Variants in VPS13A observed in about 807,000 individuals in gnomAD.
The protein encoded by VPS13A is intermembrane lipid transfer protein VPS13A.
A neutral mutation model predicts 390.9 loss-of-function variants in VPS13A; 264 were observed. That is an observed-to-expected ratio of 0.68 (90% CI 0.61 to 0.75). The LOEUF (loss-of-function observed/expected upper bound fraction) is 0.75. VPS13A is among the 30% of genes least tolerant of loss of function. VPS13A has a pLI of 0.00. For synonymous variants in VPS13A, 1,231 were observed against 1,227.1 expected, an observed-to-expected ratio of 1.00 and a Z score of -0.07; for missense variants, 3,409 against 3,733.9, an observed-to-expected ratio of 0.91 and a Z score of 2.27.
chr9:77,200,885 A>G (rs1350188466), intron 2 of VPS13A, among the ~76,000 whole-genome samples: 2 of 152,276 alleles, frequency 1.3e-5, no homozygotes, highest in South Asian at 2.1e-4. Context: ...ATGGTATAGG[A>G]TAAGGGTTCA....
intron 13 of VPS13A, 38 bp from the exon 14 acceptor site, chr9:77,225,888 T>C: frequency 6.6e-7 from 1 of 1,513,118 alleles, no homozygotes; most frequent in Non-Finnish European, 9.2e-7. Flanking sequence ...GTAAAGTTAT[T>C]TTTGTAAAGT....
intron 23 of VPS13A, among the ~76,000 whole-genome samples, chr9:77,271,721 G>T (rs1363688119): frequency 1.4e-5 from 2 of 142,254 alleles, no homozygotes; most frequent in Non-Finnish European, 3.3e-5. Flanking sequence ...ATAGAACGCA[G>T]GATTACTTGG....
intron 52 of VPS13A, among the ~76,000 whole-genome samples, chr9:77,345,450 T>G (rs929692572): frequency 6.6e-6 from 1 of 152,206 alleles, no homozygotes; most frequent in African/African-American, 2.4e-5. Flanking sequence ...ATTTTGTCTA[T>G]TTTTGAATTT....
At position 77,357,689 on chromosome 9, in the gene VPS13A, C is replaced by G. The variant is rs1831891849; in HGVS notation, c.7807-3C>G. ...TTTTCATTTGGGGGGACATATTTTT[C>G]AGGTTCGCCTAACCCCTACTGGTCA... On this transcript the variant is annotated splice_region_variant and splice_polypyrimidine_tract_variant and intron_variant, in intron 55 of 71. Transcript: ENST00000360280. 1 of 1,613,108 alleles carries G rather than the reference C, an allele frequency of 6.2e-7. No individual in the cohort carries two copies. The highest frequency in any genetic ancestry group is 8.5e-7 in the Non-Finnish European group (1 of 1,179,680).
intron 68 of VPS13A, chr9:77,390,093 A>T (rs1408013059): frequency 1.0e-6 from 1 of 985,344 alleles, no homozygotes; most frequent in African/African-American, 1.7e-5. Context: ...TATAGCAGTC[A>T]GATCACCAGA....
chr9:77,384,516 C>A, intron 68 of VPS13A: 2 of 1,593,958 alleles, frequency 1.3e-6, no homozygotes, highest in Admixed American at 1.7e-5. Flanking sequence ...CATAATCTTA[C>A]ATGTTTTCAA....
chr9:77,296,976 A>G (rs968352890), intron 33 of VPS13A, among the ~76,000 whole-genome samples: 1 of 152,094 alleles, frequency 6.6e-6, no homozygotes, highest in Admixed American at 6.5e-5. Context: ...AATATCTGTA[A>G]TGATGTGTCC....
At chr9:77,306,581 C>G (rs553010592) in intron 34 of VPS13A, among the ~76,000 whole-genome samples, 8 of 151,970 alleles carry the variant, frequency 5.3e-5, no homozygotes, top group African/African-American at 1.9e-4. Context: ...TGTTGGAGCT[C>G]GAGTCTGAAG....
intron 1 of VPS13A, among the ~76,000 whole-genome samples, chr9:77,183,215 G>A (rs1432026842): frequency 6.6e-6 from 1 of 152,026 alleles, no homozygotes; most frequent in African/African-American, 2.4e-5. Context: ...CAGCTTTATT[G>A]ACGTATAATT....
At chr9:77,316,901 G>A (rs770800269) in intron 39 of VPS13A, among the ~76,000 whole-genome samples, 32 of 151,866 alleles carry the variant, frequency 2.1e-4, no homozygotes, top group Non-Finnish European at 2.2e-4. Context: ...TAACCTCTTG[G>A]CCTTCCTCCT....
At chr9:77,364,017 G>T (rs1417409835) in intron 59 of VPS13A, among the ~76,000 whole-genome samples, 1 of 152,082 alleles carries the variant, frequency 6.6e-6, no homozygotes, top group Non-Finnish European at 1.5e-5. Context: ...GCTTGCCTTT[G>T]CTGGCATGGA....
chr9:77,411,241 G>T (rs1338508671), intron 71 of VPS13A, among the ~76,000 whole-genome samples: 2 of 152,074 alleles, frequency 1.3e-5, no homozygotes, highest in African/African-American at 2.4e-5. Context: ...TGAAACCAAC[G>T]AGAACAAAGA....
At chr9:77,274,244 A>C (rs866074357) in intron 24 of VPS13A, among the ~76,000 whole-genome samples, 1 of 152,096 alleles carries the variant, frequency 6.6e-6, no homozygotes, top group African/African-American at 2.4e-5. Context: ...TCTGGCCAAC[A>C]TGGTGAAACC....
At chr9:77,308,286 A>G (rs1222943541) in intron 35 of VPS13A, among the ~76,000 whole-genome samples, 188 bp downstream of exon 35, 1 of 151,952 alleles carries the variant, frequency 6.6e-6, no homozygotes, top group African/African-American at 2.4e-5. Context: ...CTAATCAGCT[A>G]ATTCCATTCA....
chr9:77,408,804 G>C lies in VPS13A; in HGVS notation c.9474+1197G>C, dbSNP rs192680497. 1.9e-3 allele frequency among the ~76,000 whole-genome samples: 286 copies of C among 152,314 alleles called. 1 individual carries two copies. The highest frequency in any genetic ancestry group is 6.4e-3 in the African/African-American group (268 of 41,580). On this transcript the variant is annotated intron_variant, in intron 71 of 71. Transcript: ENST00000360280. ...GCTAAACAAAGCAGCTGGGAAGCTCGAACTGGGTGGAGCCCACCACAGCTC... is the reference window on the plus strand; with the variant it reads ...GCTAAACAAAGCAGCTGGGAAGCTCCAACTGGGTGGAGCCCACCACAGCTC...
At chr9:77,272,707 G>A (rs563643444) in intron 23 of VPS13A, among the ~76,000 whole-genome samples, 38 of 152,264 alleles carry the variant, frequency 2.5e-4, no homozygotes, top group Non-Finnish European at 5.3e-4. Flanking sequence ...GGTAGGGAAC[G>A]TGACAAGGAG....
chr9:77,407,782 T>G, intron 71 of VPS13A, 175 bp downstream of exon 71: 2 of 559,664 alleles, frequency 3.6e-6, no homozygotes, highest in Non-Finnish European at 6.3e-6. Flanking sequence ...CCCCAGACTT[T>G]TTTTTCTACC....
chr9:77,289,389 T>C (rs1258479251), intron 31 of VPS13A, among the ~76,000 whole-genome samples: 2 of 152,232 alleles, frequency 1.3e-5, no homozygotes, highest in African/African-American at 2.4e-5. Flanking sequence ...TGTTCTCTAA[T>C]TTTGTTTATC....
At chr9:77,412,000 T>C (rs574072166) in intron 71 of VPS13A, among the ~76,000 whole-genome samples, 1 of 151,880 alleles carries the variant, frequency 6.6e-6, no homozygotes, top group Non-Finnish European at 1.5e-5. Context: ...CTAGAAGAAA[T>C]GGATAAATTC....
Sources: allele counts gnomAD v4.1 joint callset (sites outside exome capture counted in the v4.1 genomes callset), GRCh38; gene constraint gnomAD v4.1.1; transcripts MANE v1.5; gene names NCBI Gene and HGNC (gene_info 2026-07-23, HGNC 2026-07-21).